Variants in ANK1 observed in about 807,000 individuals in gnomAD.
ANK1 encodes the protein ankyrin 1.
Under a neutral mutation model 210.4 loss-of-function variants are expected in ANK1, and 51 were observed. The ratio of observed to expected loss-of-function variants is 0.24; its 90% CI spans 0.19 to 0.31. The LOEUF (loss-of-function observed/expected upper bound fraction) is 0.31. Among genes scored for constraint, ANK1 ranks in the 10% least tolerant of loss-of-function variants. ANK1 has a pLI of 1.00. For missense variants in ANK1, 2,051 were observed against 2,504.4 expected (o/e 0.82, Z 3.86); for synonymous variants, 967 against 1,025.9 (o/e 0.94, Z 1.10).
At chr8:41,797,827 G>A (rs1408714142), upstream of ANK1, among the ~76,000 whole-genome samples, 1 of 152,144 alleles carries the variant, frequency 6.6e-6, no homozygotes, top group East Asian at 2.0e-4. This position sits in a 1 kb window ranked among gnomAD's most constrained non-coding sequence, Gnocchi z 4.0. Flanking sequence ...GTTGCCCCGG[G>A]GTCGAGAGCA....
intron 14 of ANK1, 149 bp from the exon 15 acceptor site, chr8:41,715,223 G>A (rs1022045106): frequency 5.3e-5 from 38 of 718,204 alleles, no homozygotes; most frequent in East Asian, 3.5e-4. Flanking sequence ...CTGGGAGGCC[G>A]AAGACCTCAG....
intron 2 of ANK1, among the ~76,000 whole-genome samples, chr8:41,737,956 A>G (rs1470042329): frequency 6.6e-6 from 1 of 152,262 alleles, no homozygotes; most frequent in Non-Finnish European, 1.5e-5. Context: ...CTAGAAATGA[A>G]TCAAACACAA....
At chr8:41,862,690 A>G (rs112672341) in intron 1 of ANK1, among the ~76,000 whole-genome samples, 3,139 of 151,326 alleles carry the variant, frequency 0.021, 137 homozygotes, top group African/African-American at 0.073. Context: ...GGGAAAAACT[A>G]AACAAGTTCA....
chr8:41,757,671 G>A (rs1839479375), intron 2 of ANK1, among the ~76,000 whole-genome samples: 1 of 152,220 alleles, frequency 6.6e-6, no homozygotes, highest in Non-Finnish European at 1.5e-5. Flanking sequence ...GACTGCTGGT[G>A]GACAAAGGAG....
intron 1 of ANK1, among the ~76,000 whole-genome samples, chr8:41,835,264 C>G (rs1171258910): frequency 2.6e-5 from 4 of 152,100 alleles, no homozygotes; most frequent in African/African-American, 9.7e-5. Flanking sequence ...ACCAGCCTGA[C>G]CAAAATGGTG....
At position 41,688,368 on chromosome 8, in the gene ANK1, C is replaced by T. The variant is rs1010082383; in HGVS notation, c.4184-138G>A. 9 of 1,418,442 alleles carry T rather than the reference C, an allele frequency of 6.3e-6. No individual in the cohort carries two copies. The Admixed American group carries it at 8.5e-5, about 13-fold the overall frequency. The allele number at this position is 1,418,442 out of a possible 1,614,324, so 87.9% of individuals were successfully genotyped here. On this transcript the variant is annotated intron_variant, in intron 34 of 42. Transcript: ENST00000289734. Reference sequence around the variant, plus strand: ...GACTCTCTGCAAGATCAGGGGAAGACCCGAGTCAGCTCTGCAGCTGCTTTT... The same window carrying T: ...GACTCTCTGCAAGATCAGGGGAAGATCCGAGTCAGCTCTGCAGCTGCTTTT...
upstream of ANK1, among the ~76,000 whole-genome samples, chr8:41,799,909 C>A (rs1050098022): frequency 7.9e-5 from 12 of 152,152 alleles, no homozygotes; most frequent in Non-Finnish European, 1.2e-4. Flanking sequence ...CAAATTCACC[C>A]CTGGAAGCAG....
chr8:41,725,196 G>A (rs961423262), intron 6 of ANK1, among the ~76,000 whole-genome samples: 1 of 152,224 alleles, frequency 6.6e-6, no homozygotes, highest in Non-Finnish European at 1.5e-5. Context: ...ACAAAACCCG[G>A]TGGATCTGGG....
At chr8:41,697,650 T>C in intron 24 of ANK1, 2 of 343,326 alleles carry the variant, frequency 5.8e-6, no homozygotes, top group Non-Finnish European at 1.2e-5. Context: ...AGGAGGCAGG[T>C]GTCCAGCCCT....
At chr8:41,768,505 A>G (rs2150730239) in intron 1 of ANK1, among the ~76,000 whole-genome samples, 1 of 152,168 alleles carries the variant, frequency 6.6e-6, no homozygotes, top group East Asian at 1.9e-4. Flanking sequence ...AGGCAACACT[A>G]CTACAGTTGG....
chr8:41,661,305 GAC>G, intron 42 of ANK1, 123 bp downstream of exon 42: 3 of 1,409,982 alleles, frequency 2.1e-6, no homozygotes, highest in Non-Finnish European at 2.9e-6. Flanking sequence ...TCTGCCTCGA[GAC>G]ACAACAACAA....
intron 23 of ANK1, among the ~76,000 whole-genome samples, chr8:41,698,801 AT>A (rs200577199): frequency 2.5e-4 from 37 of 148,324 alleles, no homozygotes; most frequent in East Asian, 6.0e-4. Context: ...TTCCTCAACA[AT>A]TTTTTTTTTT....
chr8:41,777,778 G>A (rs111369968), intron 1 of ANK1, among the ~76,000 whole-genome samples: 1,523 of 152,058 alleles, frequency 0.01, 14 homozygotes, highest in Non-Finnish European at 0.015. Context: ...CTCAGCACTC[G>A]TGACCTTGAA....
intron 1 of ANK1, among the ~76,000 whole-genome samples, chr8:41,857,382 GA>G (rs1235340463): frequency 3.3e-5 from 5 of 151,294 alleles, no homozygotes; most frequent in Admixed American, 6.6e-5. Flanking sequence ...TGGATCAACC[GA>G]GGTCAGGAGT....
At chr8:41,879,506 T>A (rs1261982319) in intron 1 of ANK1, among the ~76,000 whole-genome samples, 1 of 152,232 alleles carries the variant, frequency 6.6e-6, no homozygotes, top group Non-Finnish European at 1.5e-5. Context: ...GAACAGACAC[T>A]GCTGCCTCTC....
At chr8:41,767,715 G>T (rs1296768566) in intron 1 of ANK1, among the ~76,000 whole-genome samples, 1 of 152,104 alleles carries the variant, frequency 6.6e-6, no homozygotes, top group African/African-American at 2.4e-5. Flanking sequence ...CGGCCGGCGG[G>T]CTCGGGGCGG....
chr8:41,685,534 T>C (rs1395040819), intron 36 of ANK1, among the ~76,000 whole-genome samples: 1 of 152,234 alleles, frequency 6.6e-6, no homozygotes, highest in East Asian at 1.9e-4. Flanking sequence ...GACTGTGTCC[T>C]GAGAGGACAA....
intron 4 of ANK1, 57 bp from the exon 5 acceptor site, chr8:41,727,405 A>G (rs2150662001): frequency 8.1e-7 from 1 of 1,235,394 alleles, no homozygotes; most frequent in Non-Finnish European, 1.2e-6. Flanking sequence ...AAAGGCCTAC[A>G]CCAGCACAAC....
chr8:41,687,088 C>G (rs1021342670), intron 35 of ANK1, among the ~76,000 whole-genome samples: 4 of 152,170 alleles, frequency 2.6e-5, no homozygotes, highest in African/African-American at 9.7e-5. Context: ...GTCACACGGC[C>G]TTTCCACAAG....
Sources: allele counts gnomAD v4.1 joint callset (sites outside exome capture counted in the v4.1 genomes callset), GRCh38; gene constraint gnomAD v4.1.1; non-coding constraint Gnocchi (gnomAD v3.1); transcripts MANE v1.5; gene names NCBI Gene and HGNC (gene_info 2026-07-23, HGNC 2026-07-21).